WDR49: variants seen among roughly 807,000 people sequenced by gnomAD.
WDR49 encodes cilia- and flagella-associated protein 337.
A neutral mutation model predicts 119.5 loss-of-function variants in WDR49; 107 were observed. That is an observed-to-expected ratio of 0.90 (90% CI 0.77 to 1.05). WDR49 has a LOEUF of 1.05. Ranked by LOEUF, WDR49 falls within the 50% of genes least tolerant of loss-of-function variation. The pLI, the probability that WDR49 is intolerant of heterozygous loss-of-function variation, is 0.00. For synonymous variants in WDR49, 425 were observed against 418.8 expected (o/e 1.01, Z -0.18); for missense variants, 1,240 against 1,220.5 (o/e 1.02, Z -0.24).
intron 5 of WDR49, among the ~76,000 whole-genome samples, chr3:167,612,944 A>G (rs1261510888): frequency 6.6e-6 from 1 of 152,200 alleles, no homozygotes; most frequent in South Asian, 2.1e-4. Flanking sequence ...GGATTGTTAC[A>G]AAAAAATTTA....
At position 167,604,402 on chromosome 3, in the gene WDR49, A is replaced by G; in HGVS notation, c.1025T>C (p.Met342Thr). 1 of 1,613,766 alleles carries G rather than the reference A, an allele frequency of 6.2e-7. No homozygotes were observed. The highest frequency in any genetic ancestry group is 8.5e-7 in the Non-Finnish European group (1 of 1,179,884). ...CTTTTTTGATTTCTCTCTCCAAGCC[A>G]TCACCACACTATTTGTATTGCTGGT... is the stretch of plus-strand genomic sequence containing the variant. ...STTSNTNSVV[M>T]AWREKSKKRL... Residue 342 changes from methionine to threonine, a missense_variant, in exon 6 of 19, where the codon ATG (methionine) becomes ACG (threonine). Met to Thr is a moderately conservative substitution (Grantham distance 81). Coordinates refer to ENST00000682715, the MANE Select transcript of WDR49 (RefSeq NM_001366157.1).
chr3:167,537,341 T>C (rs1488669896), intron 10 of WDR49, among the ~76,000 whole-genome samples: 1 of 152,146 alleles, frequency 6.6e-6, no homozygotes. Context: ...CCGAGTTTTA[T>C]AGCAATAACA....
chr3:167,587,555 G>A (rs891590089), intron 7 of WDR49, among the ~76,000 whole-genome samples: 12 of 151,856 alleles, frequency 7.9e-5, no homozygotes, highest in African/African-American at 2.2e-4. Context: ...GCATGATCAC[G>A]CCTCACTGCA....
At chr3:167,639,990 C>T (rs1338481258) in intron 2 of WDR49, among the ~76,000 whole-genome samples, 1 of 151,826 alleles carries the variant, frequency 6.6e-6, no homozygotes, top group East Asian at 1.9e-4. Context: ...TCTTGCTGAA[C>T]TCTCACTCTG....
At chr3:167,619,528 A>G (rs1289298695) in intron 5 of WDR49, among the ~76,000 whole-genome samples, 1 of 152,186 alleles carries the variant, frequency 6.6e-6, no homozygotes, top group African/African-American at 2.4e-5. Flanking sequence ...TACTGTGGGC[A>G]TACATTAAAG....
intron 1 of WDR49, among the ~76,000 whole-genome samples, 162 bp downstream of exon 1, chr3:167,653,672 A>C (rs1718494033): frequency 6.6e-6 from 1 of 152,214 alleles, no homozygotes; most frequent in Admixed American, 6.5e-5. Context: ...GAATGCTTTT[A>C]AAATGGTATT....
intron 5 of WDR49, among the ~76,000 whole-genome samples, chr3:167,606,146 GA>G (rs754924917): frequency 6.6e-6 from 1 of 152,178 alleles, no homozygotes; most frequent in Non-Finnish European, 1.5e-5. Flanking sequence ...CAAAGCACTA[GA>G]ATGCAAGTAT....
chr3:167,576,147 A>G lies in WDR49; in HGVS notation c.1280T>C (p.Leu427Ser). 6.2e-7 allele frequency: 1 copy of G among 1,612,812 alleles called. No homozygotes were observed. The highest frequency in any genetic ancestry group is 8.5e-7 in the Non-Finnish European group (1 of 1,179,360). ...CTGGTGTTGAATATCCCAGAGTCTC[A>G]AAACCTGGATGAAAAGTGATAAAAT... Reference protein sequence around the residue: ...QLFSFSKDKVLRLWDIQHQLS... With the variant: ...QLFSFSKDKVSRLWDIQHQLS... The change falls in exon 8 of 19, where the codon TTG becomes TCG. Residue 427 changes from leucine to serine, a missense_variant. Coordinates refer to ENST00000682715, the MANE Select transcript of WDR49 (RefSeq NM_001366157.1).
intron 9 of WDR49, among the ~76,000 whole-genome samples, chr3:167,558,160 A>G (rs906063614): frequency 1.2e-4 from 18 of 152,212 alleles, no homozygotes; most frequent in Non-Finnish European, 2.4e-4. Context: ...AAGGTGCACA[A>G]GAAAACAGTA....
chr3:167,625,058 A>G (rs1717068569), intron 3 of WDR49, among the ~76,000 whole-genome samples: 1 of 152,042 alleles, frequency 6.6e-6, no homozygotes, highest in Admixed American at 6.6e-5. Flanking sequence ...TGATTTTGAG[A>G]GGATGAATAG....
At chr3:167,541,393 T>C (rs1711826910) in intron 10 of WDR49, among the ~76,000 whole-genome samples, 1 of 152,210 alleles carries the variant, frequency 6.6e-6, no homozygotes, top group African/African-American at 2.4e-5. Context: ...TGGGGTCCTA[T>C]CTTTAGCCTC....
intron 7 of WDR49, among the ~76,000 whole-genome samples, chr3:167,587,311 C>T (rs1714869960): frequency 6.6e-6 from 1 of 152,062 alleles, no homozygotes; most frequent in Non-Finnish European, 1.5e-5. Context: ...AGTAGGCCAG[C>T]TAAATCTAAC....
At position 167,653,344 on chromosome 3, in the gene WDR49, T is replaced by C. The variant is rs1172819852; in HGVS notation, c.82A>G (p.Thr28Ala). 1 of 1,536,162 alleles carries C rather than the reference T, an allele frequency of 6.5e-7. No individual in the cohort carries two copies. Among genetic ancestry groups the C allele is most frequent in the East Asian group, 2.4e-5 (1 of 40,906 alleles). Residue 28 changes from threonine (T) to alanine (A), a missense_variant, in exon 2 of 19, where the codon ACT (threonine) becomes GCT (alanine). Coordinates refer to ENST00000682715, the MANE Select transcript of WDR49 (RefSeq NM_001366157.1). ...PKSPERTEGV[T>A]AFEDYGTGLL... ...CCTGTGCCATAGTCTTCAAATGCAG[T>C]TACACCTTCTGTTCTCTCAGGACTC...
At chr3:167,528,464 T>C (rs1752717093) in intron 14 of WDR49, among the ~76,000 whole-genome samples, 1 of 151,816 alleles carries the variant, frequency 6.6e-6, no homozygotes, top group Non-Finnish European at 1.5e-5. Flanking sequence ...ACAATCTCAT[T>C]GCAGATAAGG....
At position 167,543,100 on chromosome 3, in the gene WDR49, T is replaced by C. The variant is rs181482017; in HGVS notation, c.1824-6100A>G. ...GCCCCTTGATTAAATCGGGAAGAAA[T>C]AGAAACTCTGAACAGACCAATAACA... is the stretch of plus-strand genomic sequence containing the variant. On this transcript the variant is annotated intron_variant, in intron 10 of 18. Coordinates refer to ENST00000682715, the MANE Select transcript of WDR49 (RefSeq NM_001366157.1). Among the ~76,000 whole-genome samples, 33 of 151,488 alleles carry C rather than the reference T, an allele frequency of 2.2e-4. No individual in the cohort carries two copies. In the Middle Eastern group the frequency reaches 0.014, roughly 62 times the overall value.
At chr3:167,489,155 A>G (rs1751032220) in intron 18 of WDR49, among the ~76,000 whole-genome samples, 1 of 152,116 alleles carries the variant, frequency 6.6e-6, no homozygotes, top group South Asian at 2.1e-4. Context: ...ATTCAGCAGC[A>G]GTAGACTTTG....
At chr3:167,556,006 C>T (rs1047306457) in intron 9 of WDR49, among the ~76,000 whole-genome samples, 4 of 152,048 alleles carry the variant, frequency 2.6e-5, no homozygotes, top group Admixed American at 6.5e-5. Context: ...TAAGTATTTG[C>T]GTATCTAAAC....
chr3:167,556,485 G>A (rs975622498), intron 9 of WDR49, among the ~76,000 whole-genome samples: 12 of 152,164 alleles, frequency 7.9e-5, no homozygotes, highest in African/African-American at 2.9e-4. Flanking sequence ...AAGCCCAATA[G>A]GCATACTTTA....
chr3:167,575,222 C>T, intron 8 of WDR49: 2 of 985,738 alleles, frequency 2.0e-6, no homozygotes, highest in Non-Finnish European at 2.4e-6. Context: ...CTTCATGATA[C>T]CCACAGGCTG....
Sources: allele counts gnomAD v4.1 joint callset (sites outside exome capture counted in the v4.1 genomes callset), GRCh38; gene constraint gnomAD v4.1.1; transcripts MANE v1.5; gene names NCBI Gene and HGNC (gene_info 2026-07-23, HGNC 2026-07-21).